NTM: variants seen among roughly 807,000 people sequenced by gnomAD.
The protein encoded by NTM is IgLON family member 2.
In NTM, 13 loss-of-function variants were observed where a neutral mutation model predicts 42.1. The observed-to-expected ratio is 0.31, with a 90% CI of 0.20 to 0.49. NTM has a LOEUF of 0.49. Among genes scored for constraint, NTM ranks in the 20% least tolerant of loss-of-function variants. NTM has a pLI of 0.99. For missense variants in NTM, 373 were observed against 452.8 expected (o/e 0.82, Z 1.60); for synonymous variants, 187 against 179.2 (o/e 1.04, Z -0.35).
intron 3 of NTM, among the ~76,000 whole-genome samples, chr11:132,210,570 A>G (rs1188940937): frequency 2.0e-5 from 3 of 152,242 alleles, no homozygotes; most frequent in African/African-American, 7.2e-5. Context: ...GGAGCTCAGT[A>G]AATGACATCT....
intron 1 of NTM, among the ~76,000 whole-genome samples, chr11:131,796,522 G>A (rs2091582862): frequency 6.6e-6 from 1 of 152,220 alleles, no homozygotes; most frequent in African/African-American, 2.4e-5. Flanking sequence ...AAAGGGGCAA[G>A]TGCCTGTCCC....
intron 2 of NTM, among the ~76,000 whole-genome samples, chr11:131,928,895 A>G (rs1401463397): frequency 6.6e-6 from 1 of 152,230 alleles, no homozygotes; most frequent in African/African-American, 2.4e-5. Flanking sequence ...TCAGGTGAAA[A>G]TCCTGCAAAC....
At chr11:131,448,665 G>A (rs1209612989) in intron 1 of NTM, among the ~76,000 whole-genome samples, 4 of 152,194 alleles carry the variant, frequency 2.6e-5, no homozygotes, top group African/African-American at 7.2e-5. Flanking sequence ...CAGAGACACC[G>A]ACCCTGTCCT....
At chr11:131,441,194 G>A (rs763344240) in intron 1 of NTM, among the ~76,000 whole-genome samples, 4 of 152,058 alleles carry the variant, frequency 2.6e-5, no homozygotes, top group Non-Finnish European at 5.9e-5. Flanking sequence ...GCTCTTTTTG[G>A]TCATGCAGTT....
At chr11:131,741,306 G>A (rs1417994272) in intron 1 of NTM, among the ~76,000 whole-genome samples, 2 of 152,208 alleles carry the variant, frequency 1.3e-5, no homozygotes, top group Non-Finnish European at 2.9e-5. Context: ...GATAAGTGGA[G>A]GAGGGCAGGA....
At chr11:132,060,896 ATGTT>A (rs1318327809) in intron 2 of NTM, among the ~76,000 whole-genome samples, 2 of 152,188 alleles carry the variant, frequency 1.3e-5, no homozygotes, top group East Asian at 1.9e-4. Context: ...TAGAATGTGA[ATGTT>A]TGTGTTAGAG....
At chr11:131,886,174 G>A (rs561931926) in intron 1 of NTM, among the ~76,000 whole-genome samples, 16 of 152,268 alleles carry the variant, frequency 1.1e-4, no homozygotes, top group African/African-American at 3.6e-4. Context: ...ATCCTGTCCA[G>A]TTCACTCTGT....
intron 1 of NTM, among the ~76,000 whole-genome samples, chr11:131,639,334 C>T (rs780180705): frequency 2.0e-5 from 3 of 152,126 alleles, no homozygotes; most frequent in Non-Finnish European, 4.4e-5. Flanking sequence ...TTGACTGTGC[C>T]TTCCTCTCTT....
chr11:132,041,947 A>G (rs991417793), intron 2 of NTM, among the ~76,000 whole-genome samples: 4 of 152,172 alleles, frequency 2.6e-5, no homozygotes, highest in Non-Finnish European at 5.9e-5. Flanking sequence ...AACAATGACT[A>G]TTGTTATATG....
At chr11:131,789,222 C>T (rs894283049) in intron 1 of NTM, among the ~76,000 whole-genome samples, 1 of 151,470 alleles carries the variant, frequency 6.6e-6, no homozygotes, top group Non-Finnish European at 1.5e-5. Flanking sequence ...GACTGGTTCC[C>T]TCTACACAAG....
chr11:131,763,039 G>A lies in NTM; in HGVS notation c.83-148525G>A, dbSNP rs115087699. Among the ~76,000 whole-genome samples the A allele has an allele frequency of 2.3e-3, 346 of 152,330 alleles. 1 individual carries two copies. Among genetic ancestry groups the A allele is most frequent in the African/African-American group, 8.1e-3 (335 of 41,584 alleles). On this transcript the variant is annotated intron_variant, in intron 1 of 8. Coordinates refer to ENST00000683400, the MANE Select transcript of NTM (RefSeq NM_001352005.2). Reference sequence around the variant, plus strand: ...GACAGGCGGATTCAGGGTGTGAAGTGTGTTGCCATCACTTTGGCATCCCAA... The same window carrying A: ...GACAGGCGGATTCAGGGTGTGAAGTATGTTGCCATCACTTTGGCATCCCAA...
At chr11:132,086,551 A>G (rs1322547194) in intron 2 of NTM, among the ~76,000 whole-genome samples, 3 of 152,242 alleles carry the variant, frequency 2.0e-5, no homozygotes, top group South Asian at 2.1e-4. Context: ...CATGTGTCCA[A>G]TGTTTCTGGC....
intron 1 of NTM, among the ~76,000 whole-genome samples, chr11:131,625,310 C>A (rs960513248): frequency 6.6e-6 from 1 of 152,154 alleles, no homozygotes; most frequent in Non-Finnish European, 1.5e-5. Flanking sequence ...TCTTTATGGA[C>A]CCCTCTGAGC....
At chr11:131,416,570 G>A (rs1030033282) in intron 1 of NTM, among the ~76,000 whole-genome samples, 3 of 152,092 alleles carry the variant, frequency 2.0e-5, no homozygotes, top group Non-Finnish European at 4.4e-5. Flanking sequence ...AGCAAAATCA[G>A]GTGCATGTGT....
intron 1 of NTM, among the ~76,000 whole-genome samples, chr11:131,818,477 C>T (rs1029087312): frequency 3.9e-5 from 6 of 152,064 alleles, no homozygotes; most frequent in African/African-American, 1.2e-4. Context: ...ATTTGTATAG[C>T]TGGATAGGGA....
At chr11:132,099,006 C>A (rs927451128) in intron 2 of NTM, among the ~76,000 whole-genome samples, 2 of 152,180 alleles carry the variant, frequency 1.3e-5, no homozygotes, top group Admixed American at 1.3e-4. Flanking sequence ...GGAGCAAATC[C>A]CCAGAAGCTG....
chr11:131,720,804 A>G (rs1333754130), intron 1 of NTM, among the ~76,000 whole-genome samples: 1 of 152,174 alleles, frequency 6.6e-6, no homozygotes, highest in African/African-American at 2.4e-5. Flanking sequence ...TATCTGTAAG[A>G]TCTTGGGTAA....
chr11:131,376,110 G>C (rs192291728), intron 1 of NTM, among the ~76,000 whole-genome samples: 1 of 152,302 alleles, frequency 6.6e-6, no homozygotes, highest in East Asian at 1.9e-4. Context: ...AGGAGAAGGA[G>C]GGGAGAGCCT....
intron 2 of NTM, among the ~76,000 whole-genome samples, chr11:132,082,177 T>C (rs745850428): frequency 5.9e-5 from 9 of 152,226 alleles, no homozygotes; most frequent in Non-Finnish European, 8.8e-5. Context: ...CTGGGAATGA[T>C]GCAGAATTTT....
Sources: allele counts gnomAD v4.1 joint callset (sites outside exome capture counted in the v4.1 genomes callset), GRCh38; gene constraint gnomAD v4.1.1; transcripts MANE v1.5; gene names NCBI Gene and HGNC (gene_info 2026-07-23, HGNC 2026-07-21).